Variants in CAMK1D observed in about 807,000 individuals in gnomAD.
CAMK1D encodes the protein calcium/calmodulin dependent protein kinase ID.
In CAMK1D, 9 loss-of-function variants were observed where a neutral mutation model predicts 47.7. The ratio of observed to expected loss-of-function variants is 0.19; its 90% confidence interval spans 0.11 to 0.33. The LOEUF is 0.33. CAMK1D is among the 10% of genes least tolerant of loss of function. The probability of loss-of-function intolerance (pLI) is 1.00; values close to 1 mark genes in which losing one functional copy is unlikely to be tolerated. For synonymous variants in CAMK1D, 184 were observed against 184.9 expected (o/e 0.99, Z 0.04); for missense variants, 291 against 488.7 (o/e 0.60, Z 3.81).
chr10:12,583,401 T>C (rs1295127722), intron 2 of CAMK1D, among the ~76,000 whole-genome samples: 2 of 152,148 alleles, frequency 1.3e-5, no homozygotes, highest in African/African-American at 4.8e-5. Flanking sequence ...TCAGCTATGT[T>C]TTAGGATAAA....
At chr10:12,591,943 C>T (rs191695282) in intron 2 of CAMK1D, among the ~76,000 whole-genome samples, 96 of 152,324 alleles carry the variant, frequency 6.3e-4, no homozygotes, top group Non-Finnish European at 1.1e-3. Flanking sequence ...TCCACCCCCT[C>T]GGCCTCCCAA....
chr10:12,581,143 GTT>G (rs1218041817), intron 2 of CAMK1D, among the ~76,000 whole-genome samples: 1 of 152,088 alleles, frequency 6.6e-6, no homozygotes, highest in Admixed American at 6.5e-5. Context: ...ACGATGTTTG[GTT>G]TTCCATTCCT....
chr10:12,763,358 A>C (rs941216132), intron 4 of CAMK1D, among the ~76,000 whole-genome samples: 1 of 152,246 alleles, frequency 6.6e-6, no homozygotes, highest in Non-Finnish European at 1.5e-5. Flanking sequence ...AGCAATCGGA[A>C]TACTGCCCCA....
At chr10:12,392,008 C>A (rs1838750960) in intron 1 of CAMK1D, among the ~76,000 whole-genome samples, 3 of 149,944 alleles carry the variant, frequency 2.0e-5, no homozygotes, top group African/African-American at 7.4e-5. Flanking sequence ...CACACACACA[C>A]ACACACACAA....
chr10:12,507,394 C>A (rs1834908962), intron 1 of CAMK1D, among the ~76,000 whole-genome samples: 1 of 152,144 alleles, frequency 6.6e-6, no homozygotes, highest in South Asian at 2.1e-4. Flanking sequence ...CAGGGAAGCA[C>A]CCTTTTTGTT....
chr10:12,633,311 A>G (rs1278062746), intron 2 of CAMK1D, among the ~76,000 whole-genome samples: 1 of 152,068 alleles, frequency 6.6e-6, no homozygotes, highest in South Asian at 2.1e-4. Flanking sequence ...AGGCATTTGT[A>G]TTTCTTTTTC....
At chr10:12,759,751 A>C (rs1414357922) in intron 3 of CAMK1D, among the ~76,000 whole-genome samples, 1 of 152,248 alleles carries the variant, frequency 6.6e-6, no homozygotes, top group Non-Finnish European at 1.5e-5. Context: ...AGACAAGCAC[A>C]TAGGCCTTTT....
At chr10:12,493,392 A>G (rs1266269436) in intron 1 of CAMK1D, among the ~76,000 whole-genome samples, 1 of 152,192 alleles carries the variant, frequency 6.6e-6, no homozygotes, top group African/African-American at 2.4e-5. Context: ...CGCTGAGTCC[A>G]TGTTCTTAAC....
At chr10:12,657,555 A>G (rs1422973936) in intron 2 of CAMK1D, among the ~76,000 whole-genome samples, 1 of 152,234 alleles carries the variant, frequency 6.6e-6, no homozygotes, top group African/African-American at 2.4e-5. Flanking sequence ...TAAGACATTT[A>G]TTGTCTACAC....
At position 12,406,679 on chromosome 10, in the gene CAMK1D, C is replaced by A. The variant is rs143987007; in HGVS notation, c.92+56769C>A. 3.4e-3 allele frequency among the ~76,000 whole-genome samples: 470 copies of A among 136,884 alleles called. 3 individuals are homozygous for A. The highest frequency in any genetic ancestry group is 0.012 in the African/African-American group (437 of 36,204). 89.8% of individuals were successfully genotyped at this position (136,884 alleles called of 152,430 possible). On this transcript the variant is annotated intron_variant, in intron 1 of 10. Coordinates refer to ENST00000619168, the MANE Select transcript of CAMK1D (RefSeq NM_153498.4). ...CGGAGGTTGCAGTGAGCCAAGATCA[C>A]GCCACTACACTCCAGCCTGGGTGAC...
intron 1 of CAMK1D, among the ~76,000 whole-genome samples, chr10:12,509,365 C>A (rs908994227): frequency 6.6e-6 from 1 of 152,218 alleles, no homozygotes; most frequent in African/African-American, 2.4e-5. Flanking sequence ...ATGCCAGCTT[C>A]CTCTTAGCTG....
intron 2 of CAMK1D, among the ~76,000 whole-genome samples, chr10:12,575,216 G>A (rs112165233): frequency 5.3e-5 from 8 of 151,986 alleles, no homozygotes; most frequent in East Asian, 1.9e-4. Flanking sequence ...CCTCAGCCTC[G>A]CAAGTAGCTG....
chr10:12,478,996 C>T (rs1020669724), intron 1 of CAMK1D, among the ~76,000 whole-genome samples: 5 of 152,222 alleles, frequency 3.3e-5, no homozygotes, highest in South Asian at 4.1e-4. Context: ...TTATGAGGTG[C>T]GCCCAATTAA....
At chr10:12,648,719 C>T (rs538644254) in intron 2 of CAMK1D, among the ~76,000 whole-genome samples, 22 of 152,256 alleles carry the variant, frequency 1.4e-4, no homozygotes, top group African/African-American at 5.1e-4. Flanking sequence ...GATCCACCCA[C>T]CTCAGCCTCC....
chr10:12,446,559 C>T (rs1832930859), intron 1 of CAMK1D, among the ~76,000 whole-genome samples: 1 of 152,190 alleles, frequency 6.6e-6, no homozygotes, highest in Non-Finnish European at 1.5e-5. Flanking sequence ...CATGCCTTAA[C>T]TGCCTGGGAA....
intron 3 of CAMK1D, among the ~76,000 whole-genome samples, chr10:12,748,040 G>A (rs1343427025): frequency 6.6e-6 from 1 of 152,182 alleles, no homozygotes; most frequent in Admixed American, 6.5e-5. Context: ...GCCCATTCAA[G>A]TTTCATAAAA....
chr10:12,749,388 G>A (rs987592795), intron 3 of CAMK1D, among the ~76,000 whole-genome samples: 5 of 144,652 alleles, frequency 3.5e-5, no homozygotes, highest in Admixed American at 2.2e-4. Context: ...GTCACGTCGT[G>A]TGTTATTTTC....
At chr10:12,523,044 C>T (rs1274825930) in intron 1 of CAMK1D, among the ~76,000 whole-genome samples, 4 of 150,548 alleles carry the variant, frequency 2.7e-5, no homozygotes, top group Middle Eastern at 3.4e-3. Context: ...GGCTGCCGGG[C>T]GGAGACGCTC....
At chr10:12,691,578 GC>G (rs1832930680) in intron 3 of CAMK1D, among the ~76,000 whole-genome samples, 1 of 151,172 alleles carries the variant, frequency 6.6e-6, no homozygotes, top group Non-Finnish European at 1.5e-5. Flanking sequence ...GATTACAGGT[GC>G]CCACCAGCAC....
Sources: allele counts gnomAD v4.1 joint callset (sites outside exome capture counted in the v4.1 genomes callset), GRCh38; gene constraint gnomAD v4.1.1; transcripts MANE v1.5; gene names NCBI Gene and HGNC (gene_info 2026-07-23, HGNC 2026-07-21).